TMEM230: variants seen among roughly 807,000 people sequenced by gnomAD.
TMEM230 encodes the protein UPF0414 transmembrane protein C20orf30.
Under a neutral mutation model 15.8 loss-of-function variants are expected in TMEM230, and 10 were observed. The ratio of observed to expected loss-of-function variants is 0.63; its 90% confidence interval spans 0.39 to 1.07. The LOEUF (loss-of-function observed/expected upper bound fraction) is 1.07. Among genes scored for constraint, TMEM230 ranks in the 50% least tolerant of loss-of-function variants. The pLI, the probability that TMEM230 is intolerant of heterozygous loss-of-function variation, is 0.01. For synonymous variants in TMEM230, 67 were observed against 76.9 expected, an observed-to-expected ratio of 0.87 and a Z score of 0.68; for missense variants, 165 against 193.3, an observed-to-expected ratio of 0.85 and a Z score of 0.87.
Position 5,069,138 on chromosome 20 carries a change from T to C in TMEM230, c.*50A>G, listed in dbSNP as rs1047264207. The C allele has an allele frequency of 6.8e-5, 97 of 1,424,646 alleles. No homozygotes were observed. The African/African-American group carries it at 1.3e-3, about 19-fold the overall frequency. The allele number at this position is 1,424,646 out of a possible 1,614,324, so 88.3% of individuals were successfully genotyped here. On this transcript the variant is annotated 3_prime_UTR_variant, in exon 4 of 4. Coordinates refer to the TMEM230 transcript ENST00000612323. The stretch of plus-strand genomic sequence containing the variant: ...GCTGACGTACTTATTCCTAGGACAT[T>C]TTCAGTTTAGCCCTTTTAAGATGCT...
At chr20:5,074,853 A>G (rs1407662091) in intron 3 of TMEM230, among the ~76,000 whole-genome samples, 1 of 152,224 alleles carries the variant, frequency 6.6e-6, no homozygotes, top group Non-Finnish European at 1.5e-5. Context: ...AAATAAAGAC[A>G]GGCCTTGCTA....
Position 5,099,921 on chromosome 20 carries a change from C to A in TMEM230, c.*870G>T. On this transcript the variant is annotated 3_prime_UTR_variant, in exon 5 of 5. Coordinates refer to ENST00000342308, the MANE Select transcript of TMEM230 (RefSeq NM_001009923.2). Reference sequence around the variant, plus strand: ...TTTAATTTCTTTGGAATATAAGTCACTTTTTGCAAGCTAAAAAATAGAATC... The same window carrying A: ...TTTAATTTCTTTGGAATATAAGTCAATTTTTGCAAGCTAAAAAATAGAATC... The A allele has an allele frequency of 7.1e-6, 7 of 984,924 alleles. No individual in the cohort carries two copies. Among genetic ancestry groups the A allele is most frequent in the Non-Finnish European group, 8.4e-6 (7 of 829,506 alleles). The allele number at this position is 984,924 out of a possible 1,614,324, so 61.0% of individuals were successfully genotyped here.
downstream of TMEM230, among the ~76,000 whole-genome samples, chr20:5,096,677 G>A (rs186885115): frequency 7.0e-4 from 107 of 152,318 alleles, no homozygotes; most frequent in African/African-American, 2.5e-3. Flanking sequence ...TGACCAGGCA[G>A]CACCAACTGT....
downstream of TMEM230, among the ~76,000 whole-genome samples, chr20:5,094,937 A>T (rs536631689): frequency 1.4e-3 from 217 of 152,056 alleles, no homozygotes; most frequent in African/African-American, 5.1e-3. Context: ...TTCCTAATGT[A>T]AGTCATCTCC....
the TMEM230 span, among the ~76,000 whole-genome samples, chr20:5,059,820 G>A: frequency 2.1e-5 from 3 of 139,800 alleles, no homozygotes; most frequent in East Asian, 6.2e-4. Context: ...CTGTCGCCCA[G>A]GCTGGATGGA....
chr20:5,100,740 T>C lies in TMEM230; in HGVS notation c.*51A>G, dbSNP rs377081748. 20 of 1,599,580 alleles carry C rather than the reference T, an allele frequency of 1.3e-5. No individual in the cohort carries two copies. The African/African-American group carries it at 1.7e-4, about 14-fold the overall frequency. ...TCAGCTATAGTTTCTGCTAGATATC[T>C]TAAAGCTGGGACAGTTCCACTGTGA... is the stretch of plus-strand genomic sequence containing the variant. On this transcript the variant is annotated 3_prime_UTR_variant, in exon 5 of 5. Transcript: ENST00000342308.
intron 3 of TMEM230, among the ~76,000 whole-genome samples, chr20:5,108,334 G>A (rs1288535740): frequency 1.0e-4 from 15 of 149,692 alleles, no homozygotes; most frequent in Middle Eastern, 3.2e-3. Context: ...CAGGAGAATC[G>A]CTTGAACCTG....
At chr20:5,071,080 G>A (rs2208271) in intron 3 of TMEM230, among the ~76,000 whole-genome samples, 232 of 152,226 alleles carry the variant, frequency 1.5e-3, no homozygotes, top group African/African-American at 5.4e-3. Flanking sequence ...TTGTCCGAGG[G>A]TACTCAATAC....
chr20:5,094,447 G>A (rs1441058265), intron 3 of TMEM230, among the ~76,000 whole-genome samples: 1 of 151,210 alleles, frequency 6.6e-6, no homozygotes, highest in African/African-American at 2.4e-5. Flanking sequence ...GGTGGCTCAC[G>A]CCTGTAATCC....
intron 2 of TMEM230, chr20:5,110,979 C>T (rs13042648): frequency 0.15 from 22,582 of 152,006 alleles, 2,267 homozygotes; most frequent in African/African-American, 0.28. Flanking sequence ...GTCAGGAATT[C>T]GAGACCAGCT....
chr20:5,108,901 G>A (rs755991121), intron 3 of TMEM230, among the ~76,000 whole-genome samples: 1 of 152,074 alleles, frequency 6.6e-6, no homozygotes, highest in Non-Finnish European at 1.5e-5. Flanking sequence ...ACAATCTGCT[G>A]GCTTTAGTAA....
chr20:5,061,929 T>C, the TMEM230 span, among the ~76,000 whole-genome samples: 2 of 152,196 alleles, frequency 1.3e-5, no homozygotes, highest in African/African-American at 4.8e-5. Flanking sequence ...TCTTAGAAAG[T>C]CCATTTATAG....
chr20:5,078,924 G>C (rs948528571), intron 3 of TMEM230, among the ~76,000 whole-genome samples: 8 of 152,062 alleles, frequency 5.3e-5, no homozygotes, highest in Admixed American at 1.3e-4. Flanking sequence ...CAAGTAGCTG[G>C]GACTACAAGC....
intron 3 of TMEM230, among the ~76,000 whole-genome samples, chr20:5,082,226 CTCTCTCTT>C (rs1289737100): frequency 1.8e-5 from 2 of 108,894 alleles, no homozygotes; most frequent in Admixed American, 1.0e-4. Flanking sequence ...CCTTGTTTCT[CTCTCTCTT>C]TCTCTCTCTC....
chr20:5,078,336 G>C (rs551108838), intron 3 of TMEM230, among the ~76,000 whole-genome samples: 12 of 152,304 alleles, frequency 7.9e-5, no homozygotes, highest in African/African-American at 2.9e-4. Context: ...CCTTCACTCT[G>C]TTGAATAAAC....
Position 5,100,850 on chromosome 20 carries a change from A to G in TMEM230, c.493T>C (p.Tyr165His). 1 of 1,614,206 alleles carries G rather than the reference A, an allele frequency of 6.2e-7. No individual in the cohort carries two copies. Among genetic ancestry groups the G allele is most frequent in the Non-Finnish European group, 8.5e-7 (1 of 1,180,034 alleles). Residue 165 changes from tyrosine to histidine, a missense_variant, in exon 5 of 5, where the codon TAT (tyrosine) becomes CAT (histidine). By Grantham distance (83) the Tyr-to-His change is moderately conservative. Coordinates refer to ENST00000342308, the MANE Select transcript of TMEM230 (RefSeq NM_001009923.2). The stretch of plus-strand genomic sequence containing the variant: ...TAACCACGGTAGCCTTTGGATGCAT[A>G]GTAAGCGATGCGCAGGTGGTAAAAT...
At chr20:5,088,003 T>TA (rs144929003) in intron 3 of TMEM230, among the ~76,000 whole-genome samples, 2,856 of 113,432 alleles carry the variant, frequency 0.025, 96 homozygotes, top group African/African-American at 0.076. Context: ...AGGATATACC[T>TA]AAAAAAAAAA....
chr20:5,078,331 A>G lies in TMEM230; in HGVS notation c.223-8982T>C, dbSNP rs1282258536. On this transcript the variant is annotated intron_variant, in intron 3 of 3. Coordinates refer to the TMEM230 transcript ENST00000612323. ...TTACAAGTTATGTAGCCGGTCCTTC[A>G]CTCTGTTGAATAAACAATGGCTTCT... is the stretch of plus-strand genomic sequence containing the variant. Among the ~76,000 whole-genome samples, 3 of 152,226 alleles carry G rather than the reference A, an allele frequency of 2.0e-5. No individual in the cohort carries two copies. In the East Asian group the frequency reaches 5.8e-4, roughly 29 times the overall value.
chr20:5,106,364 T>C (rs1246846614), intron 3 of TMEM230, 54 bp from the exon 3 acceptor site: 1 of 1,543,308 alleles, frequency 6.5e-7, no homozygotes, highest in Non-Finnish European at 8.7e-7. Context: ...TGCAAATACC[T>C]GGGTTCAAAC....
Sources: gnomAD v4.1 joint callset for allele counts (sites outside exome capture counted in the v4.1 genomes callset) on GRCh38, gnomAD v4.1.1 for gene constraint, MANE v1.5 for transcripts, NCBI Gene and HGNC (gene_info 2026-07-23, HGNC 2026-07-21) for gene names.